Variants in SNTG1 observed in about 807,000 individuals in gnomAD.
SNTG1 encodes the protein gamma-1-syntrophin.
Under a neutral mutation model 74.7 loss-of-function variants are expected in SNTG1, and 39 were observed. The ratio of observed to expected loss-of-function variants is 0.52; its 90% confidence interval spans 0.40 to 0.68. The LOEUF is 0.68. SNTG1 is among the 30% of genes least tolerant of loss of function. The pLI is 0.00. For synonymous variants in SNTG1, 254 were observed against 217.1 expected, an observed-to-expected ratio of 1.17 and a Z score of -1.49; for missense variants, 685 against 609.5, an observed-to-expected ratio of 1.12 and a Z score of -1.30.
rs542147608 is a variant in SNTG1 at position 50,142,875 on chromosome 8, C to T, written c.-102-29686C>T. Among the ~76,000 whole-genome samples the T allele has an allele frequency of 8.5e-5, 13 of 152,170 alleles. 1 individual carries two copies. The highest frequency in any genetic ancestry group is 2.9e-4 in the African/African-American group (12 of 41,514). On this transcript the variant is annotated intron_variant, in intron 1 of 18. Transcript: ENST00000642720. ...TCACCTGAGGTCAGGAGTTTGAAACCAGCCTGGCCAACATAGTGAAACCCC... is the reference window on the plus strand; with the variant it reads ...TCACCTGAGGTCAGGAGTTTGAAACTAGCCTGGCCAACATAGTGAAACCCC...
At chr8:50,639,834 T>C (rs1297577332) in intron 13 of SNTG1, among the ~76,000 whole-genome samples, 1 of 152,106 alleles carries the variant, frequency 6.6e-6, no homozygotes, top group Non-Finnish European at 1.5e-5. Flanking sequence ...GGGTTTATTT[T>C]CTCCATAAGT....
intron 2 of SNTG1, among the ~76,000 whole-genome samples, chr8:50,334,231 A>G (rs1362923691): frequency 2.6e-5 from 4 of 152,196 alleles, no homozygotes; most frequent in Non-Finnish European, 5.9e-5. Context: ...CATGAAGACA[A>G]AAGTGCACAT....
intron 1 of SNTG1, chr8:50,011,829 A>G (rs779016581): frequency 5.3e-5 from 8 of 152,212 alleles, no homozygotes; most frequent in Non-Finnish European, 1.2e-4. Flanking sequence ...ATAGCAATGA[A>G]TACAGAGACA....
At chr8:50,367,330 AAT>A (rs1407226634) in intron 2 of SNTG1, among the ~76,000 whole-genome samples, 1 of 152,128 alleles carries the variant, frequency 6.6e-6, no homozygotes, top group Non-Finnish European at 1.5e-5. Context: ...TTAGAAAGAA[AAT>A]AGTCATATAA....
chr8:50,661,988 G>C (rs944907007), intron 15 of SNTG1, among the ~76,000 whole-genome samples: 3 of 152,046 alleles, frequency 2.0e-5, no homozygotes, highest in Non-Finnish European at 2.9e-5. Flanking sequence ...TTCTAGATTC[G>C]ATGCTAATGG....
intron 2 of SNTG1, among the ~76,000 whole-genome samples, chr8:50,177,890 AC>A (rs1381093443): frequency 6.6e-6 from 1 of 152,096 alleles, no homozygotes. Flanking sequence ...TCATTCCTGA[AC>A]CCCTGGAAAC....
intron 4 of SNTG1, among the ~76,000 whole-genome samples, chr8:50,414,029 G>T (rs1453100513): frequency 6.6e-6 from 1 of 151,966 alleles, no homozygotes; most frequent in Non-Finnish European, 1.5e-5. Flanking sequence ...ATCTGTAATT[G>T]CAAGATCTGC....
rs560599278 is a variant in SNTG1, at chr8:49,986,615, G to C, written c.-103+74384G>C. Among the ~76,000 whole-genome samples, 4 of 151,752 alleles carry C rather than the reference G, an allele frequency of 2.6e-5. No individual in the cohort carries two copies. The South Asian group carries it at 8.3e-4, about 32-fold the overall frequency. On this transcript the variant is annotated intron_variant, in intron 1 of 18. Transcript: ENST00000642720. ...CATGCCTGTAATGTGGTTCATGCCTGTAATCCCAGCACTTTTGGAGGCCAA... is the reference window on the plus strand; with the variant it reads ...CATGCCTGTAATGTGGTTCATGCCTCTAATCCCAGCACTTTTGGAGGCCAA...
intron 2 of SNTG1, among the ~76,000 whole-genome samples, chr8:50,374,310 C>T (rs1241860984): frequency 1.3e-5 from 2 of 152,166 alleles, no homozygotes; most frequent in African/African-American, 4.8e-5. Flanking sequence ...ATCAAGGTTG[C>T]TATTTTTGGA....
At chr8:50,235,243 T>G (rs2085828530) in intron 2 of SNTG1, among the ~76,000 whole-genome samples, 1 of 152,060 alleles carries the variant, frequency 6.6e-6, no homozygotes, top group Non-Finnish European at 1.5e-5. Context: ...AATATGTGTA[T>G]AGTGGAATAC....
chr8:50,681,654 G>C (rs973233464), intron 15 of SNTG1, among the ~76,000 whole-genome samples: 2 of 152,120 alleles, frequency 1.3e-5, no homozygotes, highest in Non-Finnish European at 2.9e-5. Flanking sequence ...CGAGAGAGGA[G>C]GACCGAAAGC....
chr8:49,996,776 C>A (rs1814263001), intron 1 of SNTG1, among the ~76,000 whole-genome samples: 1 of 151,952 alleles, frequency 6.6e-6, no homozygotes, highest in African/African-American at 2.4e-5. Flanking sequence ...ACATCCCGGA[C>A]CTTCATATTA....
intron 1 of SNTG1, among the ~76,000 whole-genome samples, chr8:50,112,515 C>CTTTTTTTTTTTTTTTTTT (rs34942560): frequency 1.3e-5 from 1 of 77,582 alleles, no homozygotes. Context: ...TTAGTTCTTT[C>CTTTTTTTTTTTTTTTTTT]TTTTTTTTTT....
chr8:49,948,729 T>A (rs145174926), intron 1 of SNTG1, among the ~76,000 whole-genome samples: 10 of 152,324 alleles, frequency 6.6e-5, no homozygotes, highest in Admixed American at 1.3e-4. Context: ...GATTGATGCC[T>A]AAAGCTCAGT....
At chr8:50,704,460 A>C (rs2131529382) in intron 15 of SNTG1, 140 bp from the exon 16 acceptor site, 1 of 1,007,782 alleles carries the variant, frequency 9.9e-7, no homozygotes, top group South Asian at 1.3e-5. Flanking sequence ...GTTCTGGTAT[A>C]ATGTCTAATG....
intron 2 of SNTG1, among the ~76,000 whole-genome samples, chr8:50,290,434 G>T (rs905635892): frequency 3.3e-5 from 5 of 152,092 alleles, no homozygotes; most frequent in Non-Finnish European, 1.5e-5. Flanking sequence ...ATTTTTCACT[G>T]CTGTGTTCTC....
chr8:50,283,280 G>A (rs76399316), intron 2 of SNTG1, among the ~76,000 whole-genome samples: 9,235 of 152,230 alleles, frequency 0.061, 316 homozygotes, highest in South Asian at 0.074. Flanking sequence ...TTCTTACCTA[G>A]TTCAACGGGA....
At chr8:50,068,097 G>A (rs1016639664) in intron 1 of SNTG1, among the ~76,000 whole-genome samples, 1 of 152,054 alleles carries the variant, frequency 6.6e-6, no homozygotes, top group Non-Finnish European at 1.5e-5. Flanking sequence ...CTTTGTTGAA[G>A]GACATAATAG....
intron 2 of SNTG1, among the ~76,000 whole-genome samples, chr8:50,296,253 C>T (rs2089365475): frequency 6.6e-6 from 1 of 152,112 alleles, no homozygotes; most frequent in Non-Finnish European, 1.5e-5. Flanking sequence ...CCCAGCAATC[C>T]CATTACTGGG....
Sources: gnomAD v4.1 joint callset for allele counts (sites outside exome capture counted in the v4.1 genomes callset) on GRCh38, gnomAD v4.1.1 for gene constraint, MANE v1.5 for transcripts, NCBI Gene and HGNC (gene_info 2026-07-23, HGNC 2026-07-21) for gene names.